The following PLEKHO1 variants were observed in gnomAD, a reference collection of about 807,000 sequenced individuals.
PLEKHO1 encodes the protein pleckstrin homology domain-containing family O member 1.
In PLEKHO1, 22 loss-of-function variants were observed where a neutral mutation model predicts 41.4. That is an observed-to-expected ratio of 0.53 (90% CI 0.38 to 0.76). The LOEUF (loss-of-function observed/expected upper bound fraction) is 0.76. Ranked by LOEUF, PLEKHO1 falls within the 30% of genes least tolerant of loss-of-function variation. The probability of loss-of-function intolerance (pLI) is 0.00; values close to 1 mark genes in which losing one functional copy is unlikely to be tolerated. For missense variants in PLEKHO1, 488 were observed against 518.3 expected (o/e 0.94, Z 0.57); for synonymous variants, 225 against 210.8 (o/e 1.07, Z -0.58).
At position 150,155,977 on chromosome 1, in the gene PLEKHO1, C is replaced by G. The variant is rs1315955462; in HGVS notation, c.178-89C>G. 7 of 1,289,838 alleles carry G rather than the reference C, an allele frequency of 5.4e-6. No individual in the cohort carries two copies. In the East Asian group the frequency reaches 1.4e-4, roughly 26 times the overall value. 79.9% of individuals were successfully genotyped at this position (1,289,838 alleles called of 1,614,324 possible). A position where few individuals can be genotyped will look rare whatever the true frequency, so the allele number is the denominator to read the frequency against. ...GCGTGCCTCCCTCTCCTCAGGCTTC[C>G]TCTGTTTCCCAAGATGATCTAAACT... On this transcript the variant is annotated intron_variant, in intron 2 of 5. Coordinates refer to ENST00000369124, the MANE Select transcript of PLEKHO1 (RefSeq NM_016274.6).
chr1:150,151,196 C>T lies in PLEKHO1; in HGVS notation c.177+138C>T, dbSNP rs2101682541. Reference sequence around the variant, plus strand: ...GGTCTCCTCTCTACCCCCATCTCATCTGCAGAGAAAGGCCACCCTTTAATG... The same window carrying T: ...GGTCTCCTCTCTACCCCCATCTCATTTGCAGAGAAAGGCCACCCTTTAATG... On this transcript the variant is annotated intron_variant, in intron 2 of 5. Transcript: ENST00000369124. The T allele has an allele frequency of 8.1e-6, 7 of 864,548 alleles. 1 individual carries two copies. Among genetic ancestry groups the T allele is most frequent in the South Asian group, 6.7e-5 (4 of 59,614 alleles). 53.6% of individuals were successfully genotyped at this position (864,548 alleles called of 1,614,324 possible).
At chr1:150,150,871 G>T (rs781987193) in intron 1 of PLEKHO1, 41 bp from the exon 2 acceptor site, 2 of 1,597,698 alleles carry the variant, frequency 1.3e-6, no homozygotes, top group South Asian at 1.1e-5. Flanking sequence ...GCGCCGGCTG[G>T]AATCTCCTAA....
At position 150,156,297 on chromosome 1, in the gene PLEKHO1, A is replaced by G. The variant is rs1284779593; in HGVS notation, c.318+91A>G. On this transcript the variant is annotated intron_variant, in intron 3 of 5. Coordinates refer to ENST00000369124, the MANE Select transcript of PLEKHO1 (RefSeq NM_016274.6). Reference sequence around the variant, plus strand: ...CCTTCCCCTCAGTTTCTCTCTCAGCAATCTTGGTTCAGATTCCCTGAATTG... The same window carrying G: ...CCTTCCCCTCAGTTTCTCTCTCAGCGATCTTGGTTCAGATTCCCTGAATTG... The G allele has an allele frequency of 6.2e-6, 7 of 1,126,086 alleles. No individual in the cohort carries two copies. The African/African-American group carries it at 1.1e-4, about 17-fold the overall frequency. 69.8% of individuals were successfully genotyped at this position (1,126,086 alleles called of 1,614,324 possible).
Position 150,159,957 on chromosome 1 carries a change from A to G in PLEKHO1, c.*434A>G, listed in dbSNP as rs1553821886. On this transcript the variant is annotated 3_prime_UTR_variant, in exon 6 of 6. Transcript: ENST00000369124. ...TTGAGGGTGAAGTTTCAGCTGCCCA[A>G]CTCTAGTTGTAGGGATGTGGAGGCC... 1.3e-5 allele frequency: 2 copies of G among 157,316 alleles called. No homozygotes were observed. The highest frequency in any genetic ancestry group is 4.8e-5 in the African/African-American group (2 of 41,484). The allele number at this position is 157,316 out of a possible 1,614,324, so 9.7% of individuals were successfully genotyped here.
chr1:150,152,025 G>A (rs1035160454), intron 2 of PLEKHO1, among the ~76,000 whole-genome samples: 7 of 152,256 alleles, frequency 4.6e-5, no homozygotes, highest in Non-Finnish European at 5.9e-5. Flanking sequence ...GGTATTCTGT[G>A]TTCCCTCACC....
intron 5 of PLEKHO1, among the ~76,000 whole-genome samples, chr1:150,158,206 T>C (rs587766883): frequency 6.6e-6 from 1 of 152,306 alleles, no homozygotes; most frequent in East Asian, 1.9e-4. Context: ...GAGCATCCTG[T>C]GTGCATCAGA....
Position 150,150,208 on chromosome 1 carries a change from G to T in PLEKHO1, c.-50G>T. 1 of 988,276 alleles carries T rather than the reference G, an allele frequency of 1.0e-6. No homozygotes were observed. The highest frequency in any genetic ancestry group is 4.4e-5 in the South Asian group (1 of 22,870). The allele number at this position is 988,276 out of a possible 1,614,324, so 61.2% of individuals were successfully genotyped here. ...GCCCCCGCGGTGCCGCCGAGGCCCC[G>T]ACGCGGGGCCGCCCCTCGGCTCGCC... On this transcript the variant is annotated 5_prime_UTR_variant, in exon 1 of 6. Transcript: ENST00000369124.
chr1:150,158,860 G>C lies in PLEKHO1; in HGVS notation c.567G>C (p.Leu189Phe), dbSNP rs1553821105. Reference protein sequence around the residue: ...STSDGMLTLDLIQEEDPSPEE... With the variant: ...STSDGMLTLDFIQEEDPSPEE... The stretch of plus-strand genomic sequence containing the variant: ...CGGATGGGATGCTGACCTTGGACTT[G>C]ATCCAAGAGGAAGACCCTTCCCCTG... The change falls in exon 6 of 6, where the codon TTG (leucine) becomes TTC (phenylalanine). Residue 189 changes from leucine (L) to phenylalanine (F), a missense_variant. Physicochemically the swap from Leu to Phe is conservative, Grantham distance 22. This residue lies in a region of PLEKHO1 where 337 missense variants were observed against 324.6 expected (regional missense o/e 1.04). Transcript: ENST00000369124. 6.2e-7 allele frequency: 1 copy of C among 1,612,844 alleles called. No individual in the cohort carries two copies. The highest frequency in any genetic ancestry group is 8.5e-7 in the Non-Finnish European group (1 of 1,178,990).
At position 150,159,808 on chromosome 1, in the gene PLEKHO1, A is replaced by C. The variant is rs1170384407; in HGVS notation, c.*285A>C. ...AAGACACAGTCTGACCACTCCACACACCGCCCGCCCCCAAGACGGCACAGG... is the reference window on the plus strand; with the variant it reads ...AAGACACAGTCTGACCACTCCACACCCCGCCCGCCCCCAAGACGGCACAGG... On this transcript the variant is annotated 3_prime_UTR_variant, in exon 6 of 6. Transcript: ENST00000369124. 1 of 288,330 alleles carries C rather than the reference A, an allele frequency of 3.5e-6. No individual in the cohort carries two copies. Among genetic ancestry groups the C allele is most frequent in the African/African-American group, 2.1e-5 (1 of 46,880 alleles). The allele number at this position is 288,330 out of a possible 1,614,324, so 17.9% of individuals were successfully genotyped here. A position where few individuals can be genotyped will look rare whatever the true frequency, so the allele number is the denominator to read the frequency against.
At position 150,149,947 on chromosome 1, in the gene PLEKHO1, T is replaced by G. The variant is rs1427932391; in HGVS notation, c.-311T>G. 1 of 148,616 alleles carries G rather than the reference T, an allele frequency of 6.7e-6. No individual in the cohort carries two copies. The highest frequency in any genetic ancestry group is 1.5e-5 in the Non-Finnish European group (1 of 67,228). 9.2% of individuals were successfully genotyped at this position (148,616 alleles called of 1,614,324 possible). A position where few individuals can be genotyped will look rare whatever the true frequency, so the allele number is the denominator to read the frequency against. On this transcript the variant is annotated 5_prime_UTR_variant, in exon 1 of 6. Coordinates refer to ENST00000369124, the MANE Select transcript of PLEKHO1 (RefSeq NM_016274.6). Reference sequence around the variant, plus strand: ...CACCGGGCCGGGGGAGCGGCCGCGCTGGGCCGGGCGGGCGGGTGGCGGGGG... The same window carrying G: ...CACCGGGCCGGGGGAGCGGCCGCGCGGGGCCGGGCGGGCGGGTGGCGGGGG...
Position 150,155,706 on chromosome 1 carries a change from CT to C in PLEKHO1, c.178-359del, listed in dbSNP as rs1553820242. 3.8e-3 allele frequency: 668 copies of C among 175,074 alleles called. 3 individuals are homozygous for C. The highest frequency in any genetic ancestry group is 0.015 in the African/African-American group (630 of 42,154). The allele number at this position is 175,074 out of a possible 1,614,324, so 10.8% of individuals were successfully genotyped here. ...TTACTGAGGGCAATGGATCAACCAT[CT>C]ACCATGTCCCTTTAAGGACGTGAGC... On this transcript the variant is annotated intron_variant, in intron 2 of 5. Coordinates refer to ENST00000369124, the MANE Select transcript of PLEKHO1 (RefSeq NM_016274.6).
intron 5 of PLEKHO1, among the ~76,000 whole-genome samples, chr1:150,158,042 C>T (rs1336529706): frequency 6.6e-6 from 1 of 152,186 alleles, no homozygotes; most frequent in East Asian, 1.9e-4. Context: ...CCTTGAAGGG[C>T]TGCTGTGAGG....
intron 2 of PLEKHO1, 83 bp downstream of exon 2, chr1:150,151,141 C>G: frequency 6.6e-7 from 1 of 1,513,154 alleles, no homozygotes; most frequent in African/African-American, 1.4e-5. Flanking sequence ...GCTTACTCCA[C>G]CCCCGTTTTG....
upstream of PLEKHO1, chr1:150,149,772 C>T (rs1553817959): frequency 6.6e-6 from 1 of 152,376 alleles, no homozygotes; most frequent in African/African-American, 2.4e-5. Context: ...TTCGAAGCCG[C>T]CTTCTTCCCC....
Position 150,150,943 on chromosome 1 carries a change from C to G in PLEKHO1, c.62C>G (p.Pro21Arg). The stretch of plus-strand genomic sequence containing the variant: ...CAGGATGGAAACCAGCAGCCTGCAC[C>G]GCCCGAGAAGGTCGGCTGGGTCCGG... Reference protein sequence around the residue: ...GPQDGNQQPAPPEKVGWVRKF... With the variant: ...GPQDGNQQPARPEKVGWVRKF... The change falls in exon 2 of 6, where the codon CCG (proline) becomes CGG (arginine). Residue 21 changes from proline (P) to arginine (R), a missense_variant. Pro to Arg is a moderately radical substitution (Grantham distance 103). Transcript: ENST00000369124. 3 of 1,614,078 alleles carry G rather than the reference C, an allele frequency of 1.9e-6. No individual in the cohort carries two copies. Among genetic ancestry groups the G allele is most frequent in the Non-Finnish European group, 2.5e-6 (3 of 1,179,902 alleles).
In PLEKHO1 at chr1:150,156,994, C is replaced by T. The variant is rs587717022; in HGVS notation, c.402C>T (p.Ala134=). The T allele has an allele frequency of 2.6e-5, 42 of 1,611,142 alleles. No homozygotes were observed. In the South Asian group the frequency reaches 4.6e-4, roughly 18 times the overall value. Reference sequence around the variant, plus strand: ...CCCTCAACTCTGCCATCACCCGAGCCAAGAACCGTATCTTGGATGAGGTCA... The same window carrying T: ...CCCTCAACTCTGCCATCACCCGAGCTAAGAACCGTATCTTGGATGAGGTCA... The part of the protein sequence containing the change: ...INALNSAITR[A]KNRILDEVTV... The change falls in exon 4 of 6, where the codon GCC becomes GCT. Residue 134 remains alanine, a synonymous_variant. Transcript: ENST00000369124.
chr1:150,159,318 C>T lies in PLEKHO1; in HGVS notation c.1025C>T (p.Ser342Phe), dbSNP rs782207251. ...CGAAAGGCCAAGGACCCCCCTCGGT[C>T]TCCGCCGGATTCTGAGTCAGAGCAG... Reference protein sequence around the residue: ...GKRKAKDPPRSPPDSESEQLL... With the variant: ...GKRKAKDPPRFPPDSESEQLL... The change falls in exon 6 of 6, where the codon TCT becomes TTT. Residue 342 changes from serine (S) to phenylalanine (F), a missense_variant. This residue lies in a region of PLEKHO1 where 337 missense variants were observed against 324.6 expected (regional missense o/e 1.04). Transcript: ENST00000369124. The T allele has an allele frequency of 5.0e-6, 8 of 1,614,064 alleles. No individual in the cohort carries two copies. The South Asian group carries it at 5.5e-5, about 11-fold the overall frequency.
Position 150,159,078 on chromosome 1 carries a change from C to T in PLEKHO1, c.785C>T (p.Thr262Met), listed in dbSNP as rs781992298. Residue 262 changes from threonine (T) to methionine (M), a missense_variant, in exon 6 of 6, where the codon ACG becomes ATG. Thr to Met is a moderately conservative substitution (Grantham distance 81, BLOSUM62 -1). Around this residue, in one of 3 missense-constraint regions of PLEKHO1, gnomAD observed 337 missense variants for 324.6 expected, o/e 1.04. Transcript: ENST00000369124. The part of the protein sequence containing the change: ...TYTPQAPKKL[T>M]PTEKGRCASL... Reference sequence around the variant, plus strand: ...ACCCCCCAGGCACCCAAGAAGTTGACGCCCACAGAGAAAGGCCGCTGCGCC... The same window carrying T: ...ACCCCCCAGGCACCCAAGAAGTTGATGCCCACAGAGAAAGGCCGCTGCGCC... 6 of 1,613,964 alleles carry T rather than the reference C, an allele frequency of 3.7e-6. No individual in the cohort carries two copies. Among genetic ancestry groups the T allele is most frequent in the Non-Finnish European group, 4.2e-6 (5 of 1,179,988 alleles).
intron 3 of PLEKHO1, 87 bp from the exon 4 acceptor site, chr1:150,156,824 G>A: frequency 2.4e-6 from 2 of 824,500 alleles, no homozygotes; most frequent in South Asian, 2.7e-5. Context: ...GTCTAAGAAA[G>A]TGAGATTATA....
Sources: allele counts gnomAD v4.1 joint callset (sites outside exome capture counted in the v4.1 genomes callset), GRCh38; gene constraint gnomAD v4.1.1; regional missense constraint gnomAD v4.1.1; transcripts MANE v1.5; gene names NCBI Gene and HGNC (gene_info 2026-07-23, HGNC 2026-07-21).